The following KIAA1755 variants were observed in gnomAD, a reference collection of about 807,000 sequenced individuals.
KIAA1755 encodes the protein KIAA1755.
KIAA1755 carries 68 observed loss-of-function variants against 91.7 expected under a neutral mutation model. The observed-to-expected ratio is 0.74, with a 90% CI of 0.61 to 0.91. KIAA1755 has a LOEUF of 0.91. KIAA1755 is among the 40% of genes least tolerant of loss of function. The probability of loss-of-function intolerance (pLI) is 0.00; values close to 1 mark genes in which losing one functional copy is unlikely to be tolerated. For missense variants in KIAA1755, 1,535 were observed against 1,494.4 expected (o/e 1.03, Z -0.45); for synonymous variants, 610 against 604.6 (o/e 1.01, Z -0.13).
In KIAA1755 at chr20:38,246,036, C is replaced by G. The variant is rs772240548; in HGVS notation, c.94G>C (p.Val32Leu). Residue 32 changes from valine to leucine, a missense_variant, in exon 2 of 14, where the codon GTG (valine) becomes CTG (leucine). By Grantham distance (32) the Val-to-Leu change is conservative. Transcript: ENST00000279024. The stretch of plus-strand genomic sequence containing the variant: ...AAGCCAGAGTCCAGGAGACGGAACA[C>G]CTGACCCAGGACGGTGGGTGCTGTG... ...EATAPTVLGQ[V>L]FRLLDSGFQG... 2 of 1,614,068 alleles carry G rather than the reference C, an allele frequency of 1.2e-6. No homozygotes were observed. The highest frequency in any genetic ancestry group is 1.7e-6 in the Non-Finnish European group (2 of 1,180,052).
chr20:38,234,863 G>A (rs2075930852), intron 4 of KIAA1755, among the ~76,000 whole-genome samples: 1 of 152,308 alleles, frequency 6.6e-6, no homozygotes, highest in Admixed American at 6.5e-5. Flanking sequence ...TGCCCCAAAT[G>A]TTATCCTCAC....
chr20:38,228,824 C>A (rs775887774), intron 5 of KIAA1755, among the ~76,000 whole-genome samples: 1 of 152,140 alleles, frequency 6.6e-6, no homozygotes, highest in Non-Finnish European at 1.5e-5. Flanking sequence ...TGATACATTT[C>A]CTTAACAGAT....
intron 13 of KIAA1755, 128 bp from the exon 14 acceptor site, chr20:38,213,871 G>A: frequency 1.6e-6 from 1 of 626,788 alleles, no homozygotes; most frequent in Non-Finnish European, 2.6e-6. Flanking sequence ...TGACCATGAT[G>A]ACCCTGGTTT....
intron 2 of KIAA1755, among the ~76,000 whole-genome samples, chr20:38,245,261 G>A (rs1275295033): frequency 6.6e-6 from 1 of 152,216 alleles, no homozygotes; most frequent in Non-Finnish European, 1.5e-5. Context: ...GCTTCCCTGG[G>A]TTCCAGCCTT....
At position 38,213,191 on chromosome 20, in the gene KIAA1755, G is replaced by A. The variant is rs1156622351; in HGVS notation, c.3454C>T (p.His1152Tyr). ...CGGAAGAAGGTGGTGGCAAGCAAAT[G>A]CTCGCGGGCAGGGTCAGGCAGCTTG... is the stretch of plus-strand genomic sequence containing the variant. ...SHKLPDPARE[H>Y]LLATTFFRQQ... The change falls in exon 14 of 14, where the codon CAT becomes TAT. Residue 1152 changes from histidine (H) to tyrosine (Y), a missense_variant. Coordinates refer to ENST00000279024, the MANE Select transcript of KIAA1755 (RefSeq NM_001029864.2). 4.3e-6 allele frequency: 7 copies of A among 1,613,562 alleles called. No individual in the cohort carries two copies. The highest frequency in any genetic ancestry group is 5.9e-6 in the Non-Finnish European group (7 of 1,180,020).
intron 2 of KIAA1755, 101 bp downstream of exon 2, chr20:38,245,828 G>A: frequency 1.8e-6 from 2 of 1,128,748 alleles, no homozygotes; most frequent in East Asian, 2.4e-5. Context: ...AGCTCCCCGT[G>A]AAACAAGACA....
intron 12 of KIAA1755, 93 bp from the exon 13 acceptor site, chr20:38,217,567 G>T: frequency 2.4e-6 from 2 of 848,768 alleles, no homozygotes; most frequent in Non-Finnish European, 1.8e-6. Flanking sequence ...TTGCTGGCGA[G>T]CCAGGAGACT....
At chr20:38,231,996 G>A (rs1009137005) in intron 4 of KIAA1755, among the ~76,000 whole-genome samples, 1 of 152,204 alleles carries the variant, frequency 6.6e-6, no homozygotes, top group African/African-American at 2.4e-5. Context: ...GAGTCATGAG[G>A]CTGAGGCTCC....
chr20:38,259,946 T>C (rs2076416238), intron 1 of KIAA1755, among the ~76,000 whole-genome samples: 1 of 151,994 alleles, frequency 6.6e-6, no homozygotes, highest in Non-Finnish European at 1.5e-5. Context: ...GGAAGCACCC[T>C]GGGTTTCAAT....
Position 38,241,954 on chromosome 20 carries a change from A to T in KIAA1755, c.202-25T>A, listed in dbSNP as rs1320839953. ...CCTGTGGAGAGAAGGGGATGGCATCAGAGAACCTGGCCCTGAAAGGCTCCA... is the reference window on the plus strand; with the variant it reads ...CCTGTGGAGAGAAGGGGATGGCATCTGAGAACCTGGCCCTGAAAGGCTCCA... On this transcript the variant is annotated intron_variant, in intron 2 of 13. Transcript: ENST00000279024. The T allele has an allele frequency of 1.9e-6, 3 of 1,593,804 alleles. No individual in the cohort carries two copies. The African/African-American group carries it at 4.0e-5, about 21-fold the overall frequency.
chr20:38,231,458 T>C, intron 4 of KIAA1755, 133 bp from the exon 5 acceptor site: 1 of 1,046,406 alleles, frequency 9.6e-7, no homozygotes, highest in Middle Eastern at 3.2e-4. Context: ...TCTCCTTCTG[T>C]GAACTCTGAC....
At chr20:38,260,287 T>C (rs1034946921) in intron 1 of KIAA1755, 2 of 1,548,794 alleles carry the variant, frequency 1.3e-6, no homozygotes, top group African/African-American at 1.4e-5. Flanking sequence ...TACACACACA[T>C]GGAGAAGCCA....
chr20:38,241,928 G>T lies in KIAA1755; in HGVS notation c.203C>A (p.Ala68Asp). The change falls in exon 3 of 14, where the codon GCT (alanine) becomes GAT (aspartate). Residue 68 changes from alanine (A) to aspartate (D), a missense_variant and splice_region_variant. Coordinates refer to ENST00000279024, the MANE Select transcript of KIAA1755 (RefSeq NM_001029864.2). ...TAAGAAGAGGCAGTGTGAGTAGGGA[G>T]CCTGTGGAGAGAAGGGGATGGCATC... The part of the protein sequence containing the change: ...LCEQVREAAC[A>D]PYSHCLFLHE... 1 of 1,608,508 alleles carries T rather than the reference G, an allele frequency of 6.2e-7. No homozygotes were observed. The highest frequency in any genetic ancestry group is 8.5e-7 in the Non-Finnish European group (1 of 1,176,736).
rs1454372529 is a variant in KIAA1755, at chr20:38,211,723, C to G, written c.*1319G>C. 1 of 152,212 alleles carries G rather than the reference C, an allele frequency of 6.6e-6. No homozygotes were observed. The highest frequency in any genetic ancestry group is 2.4e-5 in the African/African-American group (1 of 41,424). The allele number at this position is 152,212 out of a possible 1,614,324, so 9.4% of individuals were successfully genotyped here. On this transcript the variant is annotated 3_prime_UTR_variant, in exon 14 of 14. Transcript: ENST00000279024. ...CTCTCTGGAGGACAAGGACAAGGTT[C>G]CACAGGGTTCCTTGAACTTGAGAAT...
chr20:38,236,022 G>A (rs1406730061), intron 4 of KIAA1755, among the ~76,000 whole-genome samples: 5 of 152,326 alleles, frequency 3.3e-5, no homozygotes, highest in South Asian at 2.1e-4. Context: ...AGACACCAGC[G>A]AGGAGACCAC....
Position 38,212,968 on chromosome 20 carries a change from G to T in KIAA1755, c.*74C>A. ...TGACGTCTCACTGGGACTGACCAGAGCTCCCAGCTACCCCTCCAGCTGGGC... is the reference window on the plus strand; with the variant it reads ...TGACGTCTCACTGGGACTGACCAGATCTCCCAGCTACCCCTCCAGCTGGGC... On this transcript the variant is annotated 3_prime_UTR_variant, in exon 14 of 14. Coordinates refer to ENST00000279024, the MANE Select transcript of KIAA1755 (RefSeq NM_001029864.2). 8.4e-7 allele frequency: 1 copy of T among 1,186,830 alleles called. No homozygotes were observed. Among genetic ancestry groups the T allele is most frequent in the Non-Finnish European group, 1.2e-6 (1 of 850,132 alleles). The allele number at this position is 1,186,830 out of a possible 1,614,324, so 73.5% of individuals were successfully genotyped here.
intron 4 of KIAA1755, chr20:38,233,432 C>G (rs1225256739): frequency 1.3e-5 from 2 of 152,140 alleles, no homozygotes; most frequent in Non-Finnish European, 2.9e-5. Context: ...GGTGCGGGTA[C>G]AGGTCCCTCC....
chr20:38,226,000 C>G (rs1224809293), intron 7 of KIAA1755, among the ~76,000 whole-genome samples: 2 of 152,220 alleles, frequency 1.3e-5, no homozygotes, highest in African/African-American at 4.8e-5. Context: ...ATAAACAGCA[C>G]TCATACTGCC....
Position 38,240,730 on chromosome 20 carries a change from G to C in KIAA1755, c.1401C>G (p.Pro467=), listed in dbSNP as rs141704693. ...PSRNTSSPEP[P]TPGLKFSFLR... ...AGAATGAGAATTTGAGCCCAGGAGT[G>C]GGGGGCTCAGGGGAGGAGGTGTTTC... Residue 467 remains proline (P), a synonymous_variant, in exon 3 of 14, where the codon CCC becomes CCG. Coordinates refer to ENST00000279024, the MANE Select transcript of KIAA1755 (RefSeq NM_001029864.2). The C allele has an allele frequency of 2.1e-4, 336 of 1,570,838 alleles. No homozygotes were observed. Among genetic ancestry groups the C allele is most frequent in the Non-Finnish European group, 2.8e-4 (326 of 1,159,134 alleles).
Sources: gnomAD v4.1 joint callset for allele counts (sites outside exome capture counted in the v4.1 genomes callset) on GRCh38, gnomAD v4.1.1 for gene constraint, MANE v1.5 for transcripts, NCBI Gene and HGNC (gene_info 2026-07-23, HGNC 2026-07-21) for gene names.